PCDH15: variants seen among roughly 807,000 people sequenced by gnomAD.
The protein encoded by PCDH15 is protocadherin-15.
Under a neutral mutation model 178.5 loss-of-function variants are expected in PCDH15, and 129 were observed. That is an observed-to-expected ratio of 0.72 (90% CI 0.63 to 0.84). PCDH15 has a LOEUF of 0.84. PCDH15 is among the 40% of genes least tolerant of loss of function. The pLI is 0.00. For missense variants in PCDH15, 2,230 were observed against 2,099.9 expected, an observed-to-expected ratio of 1.06 and a Z score of -1.21; for synonymous variants, 800 against 732.0, an observed-to-expected ratio of 1.09 and a Z score of -1.50.
chr10:55,364,694 G>A (rs1318940245), intron 2 of PCDH15, among the ~76,000 whole-genome samples: 1 of 151,886 alleles, frequency 6.6e-6, no homozygotes, highest in African/African-American at 2.4e-5. Context: ...TTCTGAGATA[G>A]TCATGGAATG....
intron 28 of PCDH15, among the ~76,000 whole-genome samples, chr10:53,841,940 C>A (rs1437418845): frequency 1.5e-5 from 2 of 132,556 alleles, no homozygotes; most frequent in African/African-American, 6.0e-5. Context: ...GATTTTATCT[C>A]CAAAGGGAAA....
At chr10:55,097,517 T>C (rs1842473602) in intron 2 of PCDH15, among the ~76,000 whole-genome samples, 1 of 152,146 alleles carries the variant, frequency 6.6e-6, no homozygotes, top group Non-Finnish European at 1.5e-5. Flanking sequence ...GGGGGTTTTG[T>C]ATTGACAAAA....
intron 2 of PCDH15, among the ~76,000 whole-genome samples, chr10:55,107,478 T>G (rs1261317437): frequency 1.3e-5 from 2 of 148,652 alleles, no homozygotes; most frequent in Non-Finnish European, 1.5e-5. Context: ...TACTGTATTC[T>G]CTTTCCTTTT....
Position 53,804,697 on chromosome 10 carries a change from G to GAATT in PCDH15, c.*1878_*1881dup, listed in dbSNP as rs1180520221. 6.6e-6 allele frequency: 1 copy of GAATT among 151,978 alleles called. No homozygotes were observed. The allele number at this position is 151,978 out of a possible 1,614,324, so 9.4% of individuals were successfully genotyped here. ...AAATTATATTCGATGACCTCTGATT[G>GAATT]AATTAGTAGGGAAATATATGCTTAA... On this transcript the variant is annotated 3_prime_UTR_variant, in exon 38 of 38. Coordinates refer to ENST00000644397, the MANE Select transcript of PCDH15 (RefSeq NM_001384140.1).
chr10:55,410,345 T>C (rs796482868), intron 2 of PCDH15, among the ~76,000 whole-genome samples: 34 of 99,306 alleles, frequency 3.4e-4, no homozygotes, highest in African/African-American at 7.0e-4. Context: ...TCTTCATTAA[T>C]TTTTTTTCCT....
At chr10:54,079,192 G>A (rs1176566322) in intron 17 of PCDH15, 139 bp downstream of exon 17, 1 of 897,198 alleles carries the variant, frequency 1.1e-6, no homozygotes, top group Non-Finnish European at 1.8e-6. Flanking sequence ...GCCTGTTGAA[G>A]AAAAGAGCAA....
intron 1 of PCDH15, among the ~76,000 whole-genome samples, chr10:54,723,541 C>A (rs1228203470): frequency 1.3e-5 from 2 of 151,520 alleles, no homozygotes; most frequent in African/African-American, 4.8e-5. Context: ...ACAAAATAGA[C>A]AAATGGGTCT....
chr10:54,703,707 C>T (rs2095337100), intron 1 of PCDH15, among the ~76,000 whole-genome samples: 1 of 151,860 alleles, frequency 6.6e-6, no homozygotes, highest in African/African-American at 2.4e-5. Context: ...AATTACAAAA[C>T]ATTGAGGAAA....
At chr10:54,698,242 G>T (rs1232935287) in intron 1 of PCDH15, among the ~76,000 whole-genome samples, 1 of 152,134 alleles carries the variant, frequency 6.6e-6, no homozygotes, top group Non-Finnish European at 1.5e-5. Flanking sequence ...GATATTAGGA[G>T]AGACAAGCTA....
intron 8 of PCDH15, among the ~76,000 whole-genome samples, chr10:54,263,520 A>G (rs1478591087): frequency 6.6e-6 from 1 of 152,194 alleles, no homozygotes; most frequent in East Asian, 1.9e-4. Context: ...CCCACCTGCC[A>G]GCTCTTACTC....
chr10:54,162,103 A>C (rs1036859854), intron 13 of PCDH15, among the ~76,000 whole-genome samples: 1 of 152,126 alleles, frequency 6.6e-6, no homozygotes, highest in African/African-American at 2.4e-5. Context: ...AATGATATTT[A>C]TCCATTTTTT....
chr10:55,118,013 TAAG>T (rs1837669821), intron 2 of PCDH15, among the ~76,000 whole-genome samples: 3 of 152,100 alleles, frequency 2.0e-5, no homozygotes, highest in South Asian at 2.1e-4. Context: ...GAGAAAGCTA[TAAG>T]AAGAAGTTTG....
intron 1 of PCDH15, among the ~76,000 whole-genome samples, chr10:54,680,890 A>G (rs1855904): frequency 0.87 from 132,687 of 152,118 alleles, 58,509 homozygotes; most frequent in Middle Eastern, 0.93. Flanking sequence ...ACTAATACAG[A>G]GAGAGAAAGA....
intron 2 of PCDH15, among the ~76,000 whole-genome samples, chr10:55,616,542 C>T (rs755581842): frequency 6.6e-6 from 1 of 150,516 alleles, no homozygotes; most frequent in Admixed American, 6.6e-5. Flanking sequence ...AAGAGTAACT[C>T]TCTGAGTGAT....
chr10:55,478,389 G>A (rs1230042346), intron 2 of PCDH15, among the ~76,000 whole-genome samples: 1 of 151,490 alleles, frequency 6.6e-6, no homozygotes, highest in Non-Finnish European at 1.5e-5. Flanking sequence ...AGCATAACTT[G>A]AAATACTGAT....
intron 3 of PCDH15, among the ~76,000 whole-genome samples, chr10:54,849,611 T>A (rs1362440561): frequency 6.6e-6 from 1 of 152,170 alleles, no homozygotes; most frequent in African/African-American, 2.4e-5. Flanking sequence ...ACTTTCTAAT[T>A]ATTGTTATGA....
At chr10:55,307,686 C>T (rs549073801) in intron 1 of PCDH15, among the ~76,000 whole-genome samples, 116 of 151,872 alleles carry the variant, frequency 7.6e-4, no homozygotes, top group African/African-American at 2.7e-3. Flanking sequence ...TGCCACACCT[C>T]CTACCCATCT....
At chr10:55,285,670 T>C (rs948522368) in intron 1 of PCDH15, among the ~76,000 whole-genome samples, 8 of 151,716 alleles carry the variant, frequency 5.3e-5, no homozygotes, top group Admixed American at 6.6e-5. Flanking sequence ...AGGTGAAATA[T>C]GAAACGTAAG....
chr10:54,772,638 G>A (rs1187606209), intron 1 of PCDH15, among the ~76,000 whole-genome samples: 1 of 152,080 alleles, frequency 6.6e-6, no homozygotes, highest in Non-Finnish European at 1.5e-5. Context: ...AGGTTGTGGA[G>A]GAAAGGGAAA....
Sources: gnomAD v4.1 joint callset for allele counts (sites outside exome capture counted in the v4.1 genomes callset) on GRCh38, gnomAD v4.1.1 for gene constraint, MANE v1.5 for transcripts, NCBI Gene and HGNC (gene_info 2026-07-23, HGNC 2026-07-21) for gene names.